Variants in CMIP observed in about 807,000 individuals in gnomAD.
CMIP encodes c-Maf inducing protein.
A neutral mutation model predicts 97.3 loss-of-function variants in CMIP; 13 were observed. The observed-to-expected ratio is 0.13, with a 90% confidence interval of 0.09 to 0.21. The LOEUF is 0.21. CMIP is among the 10% of genes least tolerant of loss of function. The pLI is 1.00. For synonymous variants in CMIP, 538 were observed against 436.3 expected, an observed-to-expected ratio of 1.23 and a Z score of -2.91; for missense variants, 847 against 1,024.9, an observed-to-expected ratio of 0.83 and a Z score of 2.37.
At chr16:81,593,553 C>T (rs77766770) in intron 1 of CMIP, among the ~76,000 whole-genome samples, 2,675 of 152,344 alleles carry the variant, frequency 0.018, 71 homozygotes, top group African/African-American at 0.061. Context: ...CCGCTCTTTT[C>T]GGAGTAATCC....
At chr16:81,636,580 CAAA>C (rs200195305) in intron 3 of CMIP, among the ~76,000 whole-genome samples, 52,068 of 106,302 alleles carry the variant, frequency 0.49, 10,145 homozygotes, top group East Asian at 0.63. Flanking sequence ...AACTTCGTCT[CAAA>C]AAAAAAAAAA....
chr16:81,667,793 A>AGTGT (rs1293557141), intron 7 of CMIP, among the ~76,000 whole-genome samples: 464 of 89,354 alleles, frequency 5.2e-3, no homozygotes, highest in East Asian at 0.025. Context: ...AGAGAGAGAG[A>AGTGT]GAGAGAGTGT....
intron 2 of CMIP, chr16:81,611,414 G>A (rs1258620493): frequency 2.6e-5 from 4 of 152,284 alleles, no homozygotes; most frequent in African/African-American, 9.7e-5. Flanking sequence ...TCTCTCTACA[G>A]ACAAGGGGAA....
intron 1 of CMIP, among the ~76,000 whole-genome samples, chr16:81,605,971 G>T (rs910960327): frequency 1.2e-4 from 18 of 152,314 alleles, no homozygotes; most frequent in Admixed American, 3.3e-4. Context: ...TCACATCAGG[G>T]AAATTGAGGC....
At position 81,445,687 on chromosome 16, in the gene CMIP, C is replaced by T. The variant is rs1905788220; in HGVS notation, c.300+146C>T. On this transcript the variant is annotated intron_variant, in intron 1 of 20. Transcript: ENST00000537098. ...GGGAACGGGGAGAACCAGGGCGCCT[C>T]GCTCCTGGCCTGCTCGCGGGGCTCG... 4.4e-6 allele frequency: 4 copies of T among 907,934 alleles called. No individual in the cohort carries two copies. The South Asian group carries it at 7.1e-5, about 16-fold the overall frequency. The allele number at this position is 907,934 out of a possible 1,614,324, so 56.2% of individuals were successfully genotyped here. A position where few individuals can be genotyped will look rare whatever the true frequency, so the allele number is the denominator to read the frequency against.
intron 1 of CMIP, among the ~76,000 whole-genome samples, chr16:81,549,964 GCCGT>G (rs1481311679): frequency 2.0e-5 from 3 of 152,226 alleles, no homozygotes; most frequent in Non-Finnish European, 4.4e-5. Flanking sequence ...ACAAGCCTGT[GCCGT>G]CCAAGTGCCC....
At chr16:81,647,445 C>G (rs1269828553) in intron 3 of CMIP, among the ~76,000 whole-genome samples, 5 of 152,134 alleles carry the variant, frequency 3.3e-5, no homozygotes, top group Admixed American at 3.3e-4. Context: ...TCACCGCATG[C>G]TATAGTTCAC....
intron 1 of CMIP, among the ~76,000 whole-genome samples, chr16:81,588,169 G>A (rs1337681371): frequency 6.6e-6 from 1 of 152,170 alleles, no homozygotes; most frequent in African/African-American, 2.4e-5. Flanking sequence ...CCAGGGCTGG[G>A]CCGATCACCC....
intron 1 of CMIP, among the ~76,000 whole-genome samples, chr16:81,513,820 C>T (rs950678874): frequency 6.6e-6 from 1 of 152,240 alleles, no homozygotes; most frequent in African/African-American, 2.4e-5. Flanking sequence ...GCTCTCGGAT[C>T]CTCTGGGCTG....
At chr16:81,505,749 G>A (rs1339044012) in intron 1 of CMIP, among the ~76,000 whole-genome samples, 1 of 152,204 alleles carries the variant, frequency 6.6e-6, no homozygotes, top group African/African-American at 2.4e-5. Context: ...CCAGCACTTT[G>A]GGAGGCCAAG....
intron 3 of CMIP, among the ~76,000 whole-genome samples, chr16:81,640,770 G>C (rs72829101): frequency 0.024 from 3,320 of 135,628 alleles, 144 homozygotes; most frequent in African/African-American, 0.086. Context: ...GTGTGTGTGT[G>C]TCTCTCTCTC....
chr16:81,509,950 G>A (rs1484491355), intron 1 of CMIP, among the ~76,000 whole-genome samples: 16 of 152,198 alleles, frequency 1.1e-4, no homozygotes, highest in East Asian at 1.9e-4. Context: ...CTGCCCTCAC[G>A]GAGAAGTCCT....
chr16:81,690,087 G>T lies in CMIP; in HGVS notation c.1389-1688G>T, dbSNP rs7404781. The stretch of plus-strand genomic sequence containing the variant: ...GTAGTAGAGTTTGAAGTCAGGTAGC[G>T]TGATGCCTCTAGCTTTGTTCTTTTG... On this transcript the variant is annotated intron_variant, in intron 10 of 20. Transcript: ENST00000537098. Among the ~76,000 whole-genome samples, 27 of 152,012 alleles carry T rather than the reference G, an allele frequency of 1.8e-4. No individual in the cohort carries two copies. The East Asian group carries it at 5.2e-3, about 29-fold the overall frequency.
At chr16:81,551,972 A>T (rs939212579) in intron 1 of CMIP, among the ~76,000 whole-genome samples, 1 of 152,180 alleles carries the variant, frequency 6.6e-6, no homozygotes, top group Non-Finnish European at 1.5e-5. Flanking sequence ...GGCAGTGTGC[A>T]GGGGGGCCCT....
intron 1 of CMIP, among the ~76,000 whole-genome samples, chr16:81,468,848 C>T (rs1907360391): frequency 6.6e-6 from 1 of 152,310 alleles, no homozygotes; most frequent in East Asian, 1.9e-4. Context: ...CTGGTGAGGC[C>T]TGGCACACGC....
At chr16:81,575,095 A>C (rs1040773909) in intron 1 of CMIP, among the ~76,000 whole-genome samples, 5 of 152,222 alleles carry the variant, frequency 3.3e-5, no homozygotes, top group African/African-American at 1.2e-4. Flanking sequence ...ATAACTGAGT[A>C]ACTGAGCACT....
intron 1 of CMIP, among the ~76,000 whole-genome samples, chr16:81,476,977 G>A (rs1476131988): frequency 1.3e-5 from 2 of 152,032 alleles, no homozygotes; most frequent in East Asian, 1.9e-4. Flanking sequence ...CTGGGTTTCA[G>A]CCTCAACTTG....
chr16:81,685,827 G>C (rs1052679609), intron 10 of CMIP, among the ~76,000 whole-genome samples: 4 of 151,626 alleles, frequency 2.6e-5, no homozygotes, highest in African/African-American at 9.7e-5. Context: ...GCCTCCCAAA[G>C]TGCTGGGATT....
intron 1 of CMIP, among the ~76,000 whole-genome samples, chr16:81,515,643 C>T (rs1455097562): frequency 6.6e-6 from 1 of 152,198 alleles, no homozygotes; most frequent in East Asian, 1.9e-4. Flanking sequence ...ATTCTTTTAG[C>T]AAATGTGTAT....
Sources: gnomAD v4.1 joint callset for allele counts (sites outside exome capture counted in the v4.1 genomes callset) on GRCh38, gnomAD v4.1.1 for gene constraint, MANE v1.5 for transcripts, NCBI Gene and HGNC (gene_info 2026-07-23, HGNC 2026-07-21) for gene names.